The following SLC18B1 variants were observed in gnomAD, a reference collection of about 807,000 sequenced individuals.
SLC18B1 encodes MFS-type transporter SLC18B1.
SLC18B1 carries 62 observed loss-of-function variants against 53.9 expected under a neutral mutation model. The observed-to-expected ratio is 1.15, with a 90% CI of 0.94 to 1.42. The LOEUF is 1.42. Ranked by LOEUF, SLC18B1 falls within the 40% of genes most tolerant of loss-of-function variation. The pLI, the probability that SLC18B1 is intolerant of heterozygous loss-of-function variation, is 0.00. For missense variants in SLC18B1, 598 were observed against 547.3 expected (o/e 1.09, Z -0.93); for synonymous variants, 217 against 200.9 (o/e 1.08, Z -0.68).
At chr6:132,788,884 G>C (rs1161522281) in intron 4 of SLC18B1, among the ~76,000 whole-genome samples, 1 of 111,160 alleles carries the variant, frequency 9.0e-6, no homozygotes, top group African/African-American at 3.5e-5. Context: ...AAAGAAGAAA[G>C]CACCCAGTTT....
intron 8 of SLC18B1, 49 bp downstream of exon 8, chr6:132,776,279 C>T (rs1358644295): frequency 1.4e-6 from 2 of 1,432,818 alleles, no homozygotes; most frequent in Non-Finnish European, 1.9e-6. Context: ...TGGAAAACCA[C>T]TGCTCTAAAC....
At chr6:132,772,024 G>A (rs377201933) in intron 11 of SLC18B1, 108 bp downstream of exon 11, 74 of 698,136 alleles carry the variant, frequency 1.1e-4, no homozygotes, top group Admixed American at 7.6e-4. Flanking sequence ...CCTGGGAGGC[G>A]GAGGTTGCAG....
intron 2 of SLC18B1, among the ~76,000 whole-genome samples, chr6:132,796,520 C>T (rs1781692461): frequency 7.4e-6 from 1 of 134,670 alleles, no homozygotes; most frequent in Admixed American, 7.8e-5. Flanking sequence ...GAGCGAAACC[C>T]TGTCTCGAAA....
At chr6:132,793,144 G>C (rs774340832) in intron 2 of SLC18B1, among the ~76,000 whole-genome samples, 1 of 148,038 alleles carries the variant, frequency 6.8e-6, no homozygotes, top group Non-Finnish European at 1.5e-5. Flanking sequence ...AAATAAATAA[G>C]CAATTTCTGG....
chr6:132,786,335 G>T (rs984920734), intron 5 of SLC18B1, among the ~76,000 whole-genome samples: 1 of 152,174 alleles, frequency 6.6e-6, no homozygotes, highest in African/African-American at 2.4e-5. Context: ...CACGAGGTCA[G>T]GAGATCGAGA....
chr6:132,787,471 A>G lies in SLC18B1; in HGVS notation c.464T>C (p.Leu155Pro), dbSNP rs1781405445. The change falls in exon 5 of 14, where the codon CTG (leucine) becomes CCG (proline). Residue 155 changes from leucine to proline, a missense_variant. By Grantham distance (98) the Leu-to-Pro change is moderately conservative. Coordinates refer to ENST00000275227, the MANE Select transcript of SLC18B1 (RefSeq NM_052831.3). ...CACGTTATTTGGAAAAGCCTTTGCC[A>G]GGATAGAAGAAGATGCAGTCATTGC... ...AAAMTASSSI[L>P]AKAFPNNVAT... The G allele has an allele frequency of 1.6e-5, 25 of 1,603,388 alleles. No individual in the cohort carries two copies. Among genetic ancestry groups the G allele is most frequent in the Non-Finnish European group, 2.0e-5 (23 of 1,176,738 alleles).
At chr6:132,774,153 T>A in intron 9 of SLC18B1, 69 bp downstream of exon 9, 5 of 1,238,056 alleles carry the variant, frequency 4.0e-6, no homozygotes, top group Non-Finnish European at 5.7e-6. Context: ...ATACCAATGT[T>A]AAAACAAAAT....
chr6:132,777,704 G>T (rs934787654), intron 7 of SLC18B1, among the ~76,000 whole-genome samples: 5 of 152,124 alleles, frequency 3.3e-5, no homozygotes, highest in African/African-American at 1.2e-4. Context: ...ACAGAGCAAG[G>T]CTCCATCTCA....
At position 132,794,769 on chromosome 6, in the gene SLC18B1, C is replaced by T. The variant is rs138961505; in HGVS notation, c.183+2213G>A. 2.2e-3 allele frequency among the ~76,000 whole-genome samples: 340 copies of T among 152,288 alleles called. 4 individuals carry two copies. The highest frequency in any genetic ancestry group is 7.9e-3 in the African/African-American group (327 of 41,556). On this transcript the variant is annotated intron_variant, in intron 2 of 13. Coordinates refer to ENST00000275227, the MANE Select transcript of SLC18B1 (RefSeq NM_052831.3). The stretch of plus-strand genomic sequence containing the variant: ...CCCAGCATTTGAGAGGCCTGGCCAA[C>T]ATGGTGGACGGATTGCTTGAGCTCA...
Position 132,779,413 on chromosome 6 carries a change from A to C in SLC18B1, c.659-9T>G, listed in dbSNP as rs200847244. On this transcript the variant is annotated splice_polypyrimidine_tract_variant and intron_variant, in intron 6 of 13. Transcript: ENST00000275227. ...TTCACCTGGATCAGACTCTTTAGGG[A>C]AAAAATGAAAAAAGAAAAAAAAAAT... 6.4e-7 allele frequency: 1 copy of C among 1,566,378 alleles called. No individual in the cohort carries two copies. The highest frequency in any genetic ancestry group is 8.7e-7 in the Non-Finnish European group (1 of 1,155,970).
chr6:132,783,905 T>C (rs1444715050), intron 6 of SLC18B1, 28 bp downstream of exon 6: 3 of 1,471,014 alleles, frequency 2.0e-6, no homozygotes, highest in Non-Finnish European at 2.7e-6. Context: ...TTTAAGGTTC[T>C]TAAAATGAGT....
chr6:132,776,462 AT>A, intron 7 of SLC18B1, 33 bp from the exon 8 acceptor site: 1 of 1,522,806 alleles, frequency 6.6e-7, no homozygotes, highest in Non-Finnish European at 9.1e-7. Context: ...AAGTTACATA[AT>A]TAAGTCATTT....
chr6:132,783,521 T>A (rs959000726), intron 6 of SLC18B1, among the ~76,000 whole-genome samples: 1 of 152,206 alleles, frequency 6.6e-6, no homozygotes, highest in Non-Finnish European at 1.5e-5. Context: ...AACACCTGAA[T>A]CTACGTCCTT....
chr6:132,781,957 G>A (rs1781248605), intron 6 of SLC18B1, among the ~76,000 whole-genome samples: 1 of 151,672 alleles, frequency 6.6e-6, no homozygotes, highest in Non-Finnish European at 1.5e-5. Context: ...GGAAACCAAG[G>A]TGGGAGGATC....
At chr6:132,772,036 G>A in intron 11 of SLC18B1, 96 bp downstream of exon 11, 1 of 818,858 alleles carries the variant, frequency 1.2e-6, no homozygotes. Flanking sequence ...AGGTTGCAGT[G>A]AGCCAAGATC....
At chr6:132,798,386 G>A in intron 1 of SLC18B1, 28 bp downstream of exon 1, 4 of 1,513,434 alleles carry the variant, frequency 2.6e-6, no homozygotes, top group Non-Finnish European at 3.5e-6. Context: ...CTGGTCTCCG[G>A]GCTCCCGGCC....
At position 132,798,590 on chromosome 6, in the gene SLC18B1, G is replaced by A; in HGVS notation, c.-134C>T. 1.1e-6 allele frequency: 1 copy of A among 936,498 alleles called. No homozygotes were observed. 58.0% of individuals were successfully genotyped at this position (936,498 alleles called of 1,614,324 possible). ...AACCTGGCATCCCCGACTCCCTGCA[G>A]GCAGCGATCCGCCCGGCCCGGAGCT... On this transcript the variant is annotated 5_prime_UTR_variant, in exon 1 of 14. Transcript: ENST00000275227.
intron 7 of SLC18B1, among the ~76,000 whole-genome samples, chr6:132,778,919 G>C (rs1298861993): frequency 6.6e-6 from 1 of 152,172 alleles, no homozygotes; most frequent in South Asian, 2.1e-4. Flanking sequence ...CATCAAATGA[G>C]CTACTGTGTA....
In SLC18B1 at chr6:132,788,904, C is replaced by T. The variant is rs1352253258; in HGVS notation, c.353+860G>A. Among the ~76,000 whole-genome samples, 5 of 146,412 alleles carry T rather than the reference C, an allele frequency of 3.4e-5. No individual in the cohort carries two copies. In the South Asian group the frequency reaches 8.7e-4, roughly 25 times the overall value. On this transcript the variant is annotated intron_variant, in intron 4 of 13. Transcript: ENST00000275227. ...AGAAAGCACCCAGTTTCGATCTCTC[C>T]CGTAGTCAGACTGAAACCTTCAAAA...
Sources: gnomAD v4.1 joint callset for allele counts (sites outside exome capture counted in the v4.1 genomes callset) on GRCh38, gnomAD v4.1.1 for gene constraint, MANE v1.5 for transcripts, NCBI Gene and HGNC (gene_info 2026-07-23, HGNC 2026-07-21) for gene names.